JAML: variants seen among roughly 807,000 people sequenced by gnomAD.
JAML encodes junctional adhesion molecule-like.
A neutral mutation model predicts 39.3 loss-of-function variants in JAML; 25 were observed. That is an observed-to-expected ratio of 0.64 (90% CI 0.46 to 0.89). The LOEUF (loss-of-function observed/expected upper bound fraction) is 0.89. Among genes scored for constraint, JAML ranks in the 40% least tolerant of loss-of-function variants. JAML has a pLI of 0.00. For missense variants in JAML, 440 were observed against 486.9 expected (o/e 0.90, Z 0.91); for synonymous variants, 162 against 179.2 (o/e 0.90, Z 0.77).
At chr11:118,203,799 AT>A in intron 5 of JAML, 134 bp from the exon 6 acceptor site, 1 of 721,492 alleles carries the variant, frequency 1.4e-6, no homozygotes, top group Non-Finnish European at 2.4e-6. Context: ...ATCAGAAAGC[AT>A]TAAATAACAC....
intron 5 of JAML, chr11:118,205,217 T>A (rs1191188579): frequency 6.6e-6 from 1 of 152,244 alleles, no homozygotes; most frequent in African/African-American, 2.4e-5. Context: ...TTTACTAAAT[T>A]TTGCAACTTA....
At chr11:118,211,723 T>A (rs1949063634) in intron 3 of JAML, among the ~76,000 whole-genome samples, 1 of 152,228 alleles carries the variant, frequency 6.6e-6, no homozygotes, top group Non-Finnish European at 1.5e-5. Context: ...CTACTTGGGA[T>A]GTTTTTCACA....
chr11:118,205,889 C>G lies in JAML; in HGVS notation c.527G>C (p.Arg176Pro), dbSNP rs765722769. ...ATGTTTCCTCCTTGTTACCTTTGCGCGCCGTCCTGAAAATATCCATTCTAC... is the reference window on the plus strand; with the variant it reads ...ATGTTTCCTCCTTGTTACCTTTGCGGGCCGTCCTGAAAATATCCATTCTAC... Reference protein sequence around the residue: ...TKVEWIFSGRRAKEEIVFRYY... With the variant: ...TKVEWIFSGRPAKEEIVFRYY... Residue 176 changes from arginine to proline, a missense_variant, in exon 5 of 10, where the codon CGC becomes CCC. Transcript: ENST00000356289. The G allele has an allele frequency of 1.2e-6, 2 of 1,613,612 alleles. No homozygotes were observed. Among genetic ancestry groups the G allele is most frequent in the African/African-American group, 1.3e-5 (1 of 74,888 alleles).
At chr11:118,212,788 C>T (rs117419967) in intron 2 of JAML, 17,788 of 1,600,830 alleles carry the variant, frequency 0.011, 117 homozygotes, top group South Asian at 0.018. Flanking sequence ...TGCTATCTGG[C>T]TCCCTCCTCC....
intron 2 of JAML, chr11:118,213,422 A>G: frequency 1.2e-6 from 1 of 819,428 alleles, no homozygotes; most frequent in Non-Finnish European, 1.5e-6. Context: ...GAAGACAGTT[A>G]ACTTCCTGCC....
chr11:118,196,770 G>A lies in JAML; in HGVS notation c.1057C>T (p.Pro353Ser). 1 of 1,613,204 alleles carries A rather than the reference G, an allele frequency of 6.2e-7. No homozygotes were observed. The highest frequency in any genetic ancestry group is 8.5e-7 in the Non-Finnish European group (1 of 1,179,238). The stretch of plus-strand genomic sequence containing the variant: ...TAGGTGGCCTCTGATTTTTCACTTG[G>A]TTCTTCTTCCTCGATCACCTCCCGT... ...IVREVIEEEE[P>S]SEKSEATYMT... The change falls in exon 9 of 10, where the codon CCA becomes TCA. Residue 353 changes from proline (P) to serine (S), a missense_variant. Physicochemically the swap from Pro to Ser is moderately conservative, Grantham distance 74 (BLOSUM62 -1). Coordinates refer to ENST00000356289, the MANE Select transcript of JAML (RefSeq NM_001098526.2).
chr11:118,205,612 T>C (rs978637280), intron 5 of JAML: 6 of 395,422 alleles, frequency 1.5e-5, no homozygotes, highest in Non-Finnish European at 2.3e-5. Context: ...GAAACTAAAA[T>C]GCAGGGGCCA....
chr11:118,216,094 G>C (rs969786314), intron 1 of JAML, among the ~76,000 whole-genome samples: 1 of 152,142 alleles, frequency 6.6e-6, no homozygotes, highest in African/African-American at 2.4e-5. Flanking sequence ...TTACTTGGCC[G>C]GGCCTGGTGG....
intron 6 of JAML, chr11:118,203,008 C>A (rs1425921655): frequency 2.2e-6 from 1 of 459,042 alleles, no homozygotes; most frequent in Admixed American, 2.3e-5. Flanking sequence ...CTGTTCCTGG[C>A]TGTCTCTCAC....
chr11:118,194,407 C>T lies in JAML; in HGVS notation c.1103G>A (p.Trp368Ter). Residue 368 changes from tryptophan (W) to a stop codon, truncating the protein, a stop_gained, in exon 10 of 10, where the codon TGG (tryptophan) becomes TAG (stop). Transcript: ENST00000356289. LOFTEE classifies it low-confidence loss of function (END_TRUNC). ...GTTCCGATCTGACCTCAGAGAAGGC[C>T]AAACTGGGTGCTGTGGGGGAAGGGC... is the stretch of plus-strand genomic sequence containing the variant. ...EATYMTMHPV[W>*]PSLRSDRNNS... 6.2e-7 allele frequency: 1 copy of T among 1,614,070 alleles called. No individual in the cohort carries two copies. Among genetic ancestry groups the T allele is most frequent in the Non-Finnish European group, 8.5e-7 (1 of 1,179,960 alleles).
chr11:118,209,966 G>A (rs1949012318), intron 4 of JAML, among the ~76,000 whole-genome samples: 1 of 152,058 alleles, frequency 6.6e-6, no homozygotes, highest in African/African-American at 2.4e-5. Context: ...TGGGGCTCAG[G>A]CAGTTCTGCT....
chr11:118,203,891 T>C (rs1232510138), intron 5 of JAML: 2 of 514,572 alleles, frequency 3.9e-6, no homozygotes. Context: ...TCCATCTGAA[T>C]GGAGGGATAA....
At position 118,200,709 on chromosome 11, in the gene JAML, A is replaced by C. The variant is rs1948774043; in HGVS notation, c.773-97T>G. On this transcript the variant is annotated intron_variant, in intron 6 of 9. Transcript: ENST00000356289. ...ACCAAGTAGCACCAGCCAGGCCACG[A>C]AGCGGAGGGGAAGGCCAGACTCCAC... is the stretch of plus-strand genomic sequence containing the variant. 3 of 1,442,736 alleles carry C rather than the reference A, an allele frequency of 2.1e-6. No homozygotes were observed. In the Admixed American group the frequency reaches 5.5e-5, roughly 26 times the overall value. The allele number at this position is 1,442,736 out of a possible 1,614,324, so 89.4% of individuals were successfully genotyped here.
intron 3 of JAML, among the ~76,000 whole-genome samples, chr11:118,211,739 T>C (rs1949063990): frequency 6.6e-6 from 1 of 152,184 alleles, no homozygotes; most frequent in Non-Finnish European, 1.5e-5. Context: ...TCACAAATGA[T>C]CCTGATATAC....
intron 1 of JAML, among the ~76,000 whole-genome samples, chr11:118,223,108 AAAAAAAAG>A (rs1949226774): frequency 1.3e-5 from 2 of 151,714 alleles, no homozygotes; most frequent in African/African-American, 4.8e-5. Context: ...AAAAAAAAAA[AAAAAAAAG>A]AGTAATGTGA....
intron 6 of JAML, chr11:118,203,167 C>A: frequency 1.6e-6 from 1 of 618,134 alleles, no homozygotes; most frequent in Non-Finnish European, 3.0e-6. Context: ...TGGGGTCTGG[C>A]AGAGGATTGG....
In JAML at chr11:118,212,524, C is replaced by T. The variant is rs201301336; in HGVS notation, c.81G>A (p.Pro27=). The change falls in exon 3 of 10, where the codon CCG becomes CCA. Residue 27 remains proline, a synonymous_variant. Coordinates refer to ENST00000356289, the MANE Select transcript of JAML (RefSeq NM_001098526.2). ...CACCCACATGGACTGTTAGCTCAGG[C>T]GGGGAAACATTCAAGTCATTCAGGC... The part of the protein sequence containing the change: ...SLGLNDLNVS[P]PELTVHVGDS... The T allele has an allele frequency of 2.9e-5, 47 of 1,613,940 alleles. 1 individual carries two copies. The highest frequency in any genetic ancestry group is 6.7e-5 in the East Asian group (3 of 44,898).
intron 1 of JAML, among the ~76,000 whole-genome samples, chr11:118,221,676 C>A (rs1949211349): frequency 1.3e-5 from 2 of 152,202 alleles, no homozygotes; most frequent in Non-Finnish European, 2.9e-5. Context: ...GGGTTGGGGA[C>A]CCCTGCTGTA....
chr11:118,207,498 AG>A (rs1948942618), intron 4 of JAML, among the ~76,000 whole-genome samples: 1 of 152,228 alleles, frequency 6.6e-6, no homozygotes, highest in Non-Finnish European at 1.5e-5. Context: ...CTAGAGCAAA[AG>A]TAGAGGACAT....
Sources: gnomAD v4.1 joint callset for allele counts (sites outside exome capture counted in the v4.1 genomes callset) on GRCh38, gnomAD v4.1.1 for gene constraint, MANE v1.5 for transcripts, NCBI Gene and HGNC (gene_info 2026-07-23, HGNC 2026-07-21) for gene names.